Variants in ITGA8 observed in about 807,000 individuals in gnomAD.
ITGA8 encodes the protein integrin alpha-8.
ITGA8 carries 91 observed loss-of-function variants against 142.3 expected under a neutral mutation model. The ratio of observed to expected loss-of-function variants is 0.64; its 90% CI spans 0.54 to 0.76. The LOEUF (loss-of-function observed/expected upper bound fraction) is 0.76. Among genes scored for constraint, ITGA8 ranks in the 30% least tolerant of loss-of-function variants. The pLI, the probability that ITGA8 is intolerant of heterozygous loss-of-function variation, is 0.00. For missense variants in ITGA8, 1,406 were observed against 1,327.7 expected, an observed-to-expected ratio of 1.06 and a Z score of -0.92; for synonymous variants, 505 against 485.2, an observed-to-expected ratio of 1.04 and a Z score of -0.54.
At chr10:15,528,485 C>T (rs1381502462) in intron 28 of ITGA8, among the ~76,000 whole-genome samples, 1 of 149,710 alleles carries the variant, frequency 6.7e-6, no homozygotes, top group Non-Finnish European at 1.5e-5. Context: ...TGTGGTAAAT[C>T]ACCTACATCA....
rs1010582317 is a variant in ITGA8, at chr10:15,719,696, C to A, written c.76G>T (p.Ala26Ser). ...GGGGACCACAGCAACATCCCCAGCGCGGCCGCGGCGCAGCAGAGGGGCGCG... is the reference window on the plus strand; with the variant it reads ...GGGGACCACAGCAACATCCCCAGCGAGGCCGCGGCGCAGCAGAGGGGCGCG... ...LIAPLCCAAA[A>S]LGMLLWSPAC... Residue 26 changes from alanine (A) to serine (S), a missense_variant, in exon 1 of 30, where the codon GCG (alanine) becomes TCG (serine). Ala to Ser is a moderately conservative substitution (Grantham distance 99). Transcript: ENST00000378076. 6.9e-7 allele frequency: 1 copy of A among 1,458,802 alleles called. No homozygotes were observed. Among genetic ancestry groups the A allele is most frequent in the Non-Finnish European group, 9.0e-7 (1 of 1,115,166 alleles). The allele number at this position is 1,458,802 out of a possible 1,614,324, so 90.4% of individuals were successfully genotyped here.
chr10:15,644,290 C>T (rs1283757371), intron 12 of ITGA8, 69 bp from the exon 13 acceptor site: 27 of 1,409,154 alleles, frequency 1.9e-5, no homozygotes, highest in Non-Finnish European at 2.5e-5. Flanking sequence ...ATTTTAGAGA[C>T]AGGACCTTAC....
chr10:15,692,953 A>T (rs1834962485), intron 2 of ITGA8, among the ~76,000 whole-genome samples: 1 of 152,180 alleles, frequency 6.6e-6, no homozygotes. Flanking sequence ...CTGTAGTCTC[A>T]TCTACTCAGG....
In ITGA8 at chr10:15,565,573, A is replaced by ATTTTTTTTTTTTTTT. The variant is rs71374633; in HGVS notation, c.2637+6623_2637+6637dup. ...ATAATCTTCTTCCTTTCATGTCCTG[A>ATTTTTTTTTTTTTTT]TTTTTTTTTTTTTTTTTTTTTTTTT... On this transcript the variant is annotated intron_variant, in intron 25 of 29. Coordinates refer to ENST00000378076, the MANE Select transcript of ITGA8 (RefSeq NM_003638.3). Among the ~76,000 whole-genome samples the ATTTTTTTTTTTTTTT allele has an allele frequency of 5.5e-4, 19 of 34,784 alleles. 2 individuals carry two copies. Among genetic ancestry groups the ATTTTTTTTTTTTTTT allele is most frequent in the Admixed American group, 1.1e-3 (2 of 1,768 alleles). The allele number at this position is 34,784 out of a possible 152,430, so 22.8% of individuals were successfully genotyped here.
At chr10:15,548,621 A>C (rs112080153) in intron 26 of ITGA8, 53 bp from the exon 27 acceptor site, 13 of 1,082,544 alleles carry the variant, frequency 1.2e-5, no homozygotes, top group African/African-American at 8.0e-5. Flanking sequence ...GTAGAGACTG[A>C]ACACTGAAGT....
At chr10:15,672,857 G>T in intron 6 of ITGA8, 108 bp from the exon 7 acceptor site, 1 of 1,265,996 alleles carries the variant, frequency 7.9e-7, no homozygotes, top group Non-Finnish European at 1.1e-6. Flanking sequence ...TTGCTTTTTT[G>T]ATGATGAATT....
intron 23 of ITGA8, among the ~76,000 whole-genome samples, chr10:15,585,820 A>T (rs958567391): frequency 3.3e-5 from 5 of 152,168 alleles, no homozygotes; most frequent in Non-Finnish European, 7.3e-5. Flanking sequence ...AATAGGACCA[A>T]AGAAAAAAGA....
intron 15 of ITGA8, among the ~76,000 whole-genome samples, chr10:15,612,309 A>T (rs1317622272): frequency 1.3e-5 from 2 of 152,198 alleles, no homozygotes; most frequent in Non-Finnish European, 2.9e-5. Flanking sequence ...AACTCCTGTC[A>T]AAAGGCCATC....
chr10:15,523,756 C>CA (rs11388685), intron 28 of ITGA8, among the ~76,000 whole-genome samples: 20,744 of 116,964 alleles, frequency 0.18, 1,730 homozygotes, highest in Admixed American at 0.21. Context: ...CTAAAAATAC[C>CA]AAAAAAAAAA....
intron 9 of ITGA8, among the ~76,000 whole-genome samples, 182 bp downstream of exon 9, chr10:15,660,697 G>C (rs747852995): frequency 8.5e-5 from 13 of 152,172 alleles, no homozygotes; most frequent in Non-Finnish European, 1.8e-4. Context: ...GGCTAATGTA[G>C]GTGTTCTGAG....
intron 25 of ITGA8, among the ~76,000 whole-genome samples, chr10:15,558,695 C>T (rs1041605083): frequency 3.3e-5 from 5 of 152,154 alleles, no homozygotes; most frequent in African/African-American, 7.2e-5. Context: ...CTGAACCCCA[C>T]GTTCCTGCAC....
chr10:15,644,221 T>A lies in ITGA8; in HGVS notation c.1208A>T (p.Asp403Val), dbSNP rs770067639. The change falls in exon 13 of 30, where the codon GAC (aspartate) becomes GTC (valine). Residue 403 changes from aspartate (D) to valine (V), a missense_variant and splice_region_variant. Coordinates refer to ENST00000378076, the MANE Select transcript of ITGA8 (RefSeq NM_003638.3). Reference sequence around the variant, plus strand: ...TGCAAAAGGCACTCCGATGGCAATGTCTAAAAACAGACATAAAACATGTTT... The same window carrying A: ...TGCAAAAGGCACTCCGATGGCAATGACTAAAAACAGACATAAAACATGTTT... ...LGDLNQDGYN[D>V]IAIGVPFAGK... is the part of the protein sequence containing the mutation. 5.0e-6 allele frequency: 8 copies of A among 1,612,270 alleles called. No homozygotes were observed.
chr10:15,559,252 A>C (rs1564351297), intron 25 of ITGA8, among the ~76,000 whole-genome samples: 1 of 152,064 alleles, frequency 6.6e-6, no homozygotes. Context: ...CTGACCAAGA[A>C]CCCAAGGTCC....
intron 25 of ITGA8, among the ~76,000 whole-genome samples, chr10:15,570,435 C>A (rs897305758): frequency 7.5e-5 from 11 of 147,622 alleles, no homozygotes; most frequent in African/African-American, 2.9e-4. Context: ...TGGTGAAACC[C>A]CGTTTCTACT....
intron 25 of ITGA8, among the ~76,000 whole-genome samples, chr10:15,564,894 A>G (rs1392598262): frequency 6.6e-6 from 1 of 152,250 alleles, no homozygotes. Context: ...GGGGCAGTCC[A>G]CCATGTAATT....
At chr10:15,584,359 C>A (rs1348198530) in intron 23 of ITGA8, among the ~76,000 whole-genome samples, 1 of 152,042 alleles carries the variant, frequency 6.6e-6, no homozygotes, top group Non-Finnish European at 1.5e-5. Flanking sequence ...TTTCTCTGCA[C>A]AGGAAGAATA....
intron 13 of ITGA8, among the ~76,000 whole-genome samples, chr10:15,628,329 T>G (rs1452306848): frequency 1.3e-3 from 36 of 27,122 alleles, no homozygotes; most frequent in Non-Finnish European, 2.5e-3. Flanking sequence ...TTTTGGTTTT[T>G]TTTTTTTTTT....
At position 15,613,782 on chromosome 10, in the gene ITGA8, T is replaced by G. The variant is rs753197579; in HGVS notation, c.1446-15A>C. On this transcript the variant is annotated splice_polypyrimidine_tract_variant and intron_variant, in intron 14 of 29. Transcript: ENST00000378076. ...CCGGTCTTGCTCTGCGGGGAGAAAA[T>G]GCAGGGTTTGTTTAAATAAAACACA... 3 of 1,581,034 alleles carry G rather than the reference T, an allele frequency of 1.9e-6. No homozygotes were observed. The highest frequency in any genetic ancestry group is 2.6e-6 in the Non-Finnish European group (3 of 1,150,086).
intron 2 of ITGA8, among the ~76,000 whole-genome samples, chr10:15,708,800 C>T (rs1203104707): frequency 6.6e-6 from 1 of 152,148 alleles, no homozygotes; most frequent in Non-Finnish European, 1.5e-5. Context: ...GAAGCTGTAG[C>T]AGACAGTGTG....
Sources: allele counts gnomAD v4.1 joint callset (sites outside exome capture counted in the v4.1 genomes callset), GRCh38; gene constraint gnomAD v4.1.1; transcripts MANE v1.5; gene names NCBI Gene and HGNC (gene_info 2026-07-23, HGNC 2026-07-21).